The following FOXN2 variants were observed in gnomAD, a reference collection of about 807,000 sequenced individuals.
The protein encoded by FOXN2 is forkhead box protein N2.
A neutral mutation model predicts 41.2 loss-of-function variants in FOXN2; 19 were observed. That is an observed-to-expected ratio of 0.46 (90% CI 0.32 to 0.68). The LOEUF is 0.68. Ranked by LOEUF, FOXN2 falls within the 30% of genes least tolerant of loss-of-function variation. The probability of loss-of-function intolerance (pLI) is 0.03; values close to 1 mark genes in which losing one functional copy is unlikely to be tolerated. For synonymous variants in FOXN2, 195 were observed against 176.8 expected (o/e 1.10, Z -0.82); for missense variants, 587 against 509.4 (o/e 1.15, Z -1.47).
chr2:48,351,543 G>C (rs1242730330), intron 3 of FOXN2, among the ~76,000 whole-genome samples: 2 of 152,152 alleles, frequency 1.3e-5, no homozygotes, highest in African/African-American at 4.8e-5. Context: ...TGCTACCTGA[G>C]GTGGGGACAT....
chr2:48,351,052 G>A (rs571332368), intron 3 of FOXN2, among the ~76,000 whole-genome samples: 1 of 149,126 alleles, frequency 6.7e-6, no homozygotes, highest in African/African-American at 2.5e-5. Flanking sequence ...TGCAACCTCC[G>A]AGGGTTCAAG....
At chr2:48,373,039 G>T (rs1420337794) in intron 5 of FOXN2, among the ~76,000 whole-genome samples, 10 of 151,960 alleles carry the variant, frequency 6.6e-5, no homozygotes, top group Non-Finnish European at 1.0e-4. Flanking sequence ...TTAAAGAAGA[G>T]AACTTGCATT....
chr2:48,320,276 T>G (rs1365451421), intron 1 of FOXN2, among the ~76,000 whole-genome samples: 1 of 152,050 alleles, frequency 6.6e-6, no homozygotes, highest in Non-Finnish European at 1.5e-5. Context: ...ATACTAGACA[T>G]ATGAGTGTAT....
chr2:48,329,231 G>A lies in FOXN2; in HGVS notation c.-15+529G>A, dbSNP rs959051961. ...ATTGTGTAGAGGAAGTCTATACACT[G>A]TGTACAATTGACAGAAAATTATTAA... On this transcript the variant is annotated intron_variant, in intron 2 of 6. Transcript: ENST00000340553. Among the ~76,000 whole-genome samples, 4 of 152,278 alleles carry A rather than the reference G, an allele frequency of 2.6e-5. No individual in the cohort carries two copies. In the East Asian group the frequency reaches 7.7e-4, roughly 29 times the overall value.
chr2:48,371,024 CA>C (rs1475200333), intron 5 of FOXN2, among the ~76,000 whole-genome samples: 2 of 152,030 alleles, frequency 1.3e-5, no homozygotes, highest in Non-Finnish European at 2.9e-5. Context: ...GATATATATC[CA>C]ATTTCTTTTG....
chr2:48,343,229 C>T (rs1463695052), intron 2 of FOXN2, among the ~76,000 whole-genome samples: 9 of 152,106 alleles, frequency 5.9e-5, no homozygotes. Context: ...ACTTCATTTC[C>T]ATTTCCTTAT....
At chr2:48,340,774 T>C (rs1670708790) in intron 2 of FOXN2, 1 of 152,222 alleles carries the variant, frequency 6.6e-6, no homozygotes. Flanking sequence ...CAATTAGCAA[T>C]AATTGCACTC....
chr2:48,316,484 C>G (rs1032464642), intron 1 of FOXN2, among the ~76,000 whole-genome samples: 4 of 151,938 alleles, frequency 2.6e-5, no homozygotes, highest in Admixed American at 6.6e-5. Context: ...AAATTGTGAT[C>G]TAAACATACG....
chr2:48,319,192 G>T (rs187976740), intron 1 of FOXN2, among the ~76,000 whole-genome samples: 1 of 150,748 alleles, frequency 6.6e-6, no homozygotes. Context: ...AAGGTGTGTT[G>T]GAGAAAATAC....
Position 48,375,912 on chromosome 2 carries a change from T to G in FOXN2, c.*469T>G, listed in dbSNP as rs1364997604. On this transcript the variant is annotated 3_prime_UTR_variant, in exon 7 of 7. Coordinates refer to ENST00000340553, the MANE Select transcript of FOXN2 (RefSeq NM_002158.4). ...CAATCCGGTAACATAAGATTGAAAT[T>G]TTTTTACTTTGTCTTAATTTGTTTC... 2.0e-5 allele frequency: 3 copies of G among 152,964 alleles called. No homozygotes were observed. The highest frequency in any genetic ancestry group is 4.8e-5 in the African/African-American group (2 of 41,454). 9.5% of individuals were successfully genotyped at this position (152,964 alleles called of 1,614,324 possible). A position where few individuals can be genotyped will look rare whatever the true frequency, so the allele number is the denominator to read the frequency against.
At chr2:48,337,932 A>C (rs1052897051) in intron 2 of FOXN2, among the ~76,000 whole-genome samples, 16 of 152,050 alleles carry the variant, frequency 1.1e-4, no homozygotes, top group Admixed American at 6.5e-4. Context: ...AGCAGACCCC[A>C]AAAAAAGATT....
At chr2:48,353,576 G>A (rs1238477200) in intron 3 of FOXN2, among the ~76,000 whole-genome samples, 1 of 148,398 alleles carries the variant, frequency 6.7e-6, no homozygotes, top group Admixed American at 6.6e-5. Flanking sequence ...GTGTGTGTGT[G>A]TGTGTGTGTG....
chr2:48,335,925 G>A (rs548729914), intron 2 of FOXN2, among the ~76,000 whole-genome samples: 1 of 152,076 alleles, frequency 6.6e-6, no homozygotes, highest in South Asian at 2.1e-4. Flanking sequence ...CTCCTCGGGA[G>A]GCTGAGGCAG....
intron 6 of FOXN2, among the ~76,000 whole-genome samples, chr2:48,374,191 C>T (rs1056782009): frequency 7.2e-5 from 11 of 151,980 alleles, no homozygotes; most frequent in African/African-American, 1.5e-4. Context: ...AAAAAGGATT[C>T]TGCAAGTAAG....
intron 5 of FOXN2, among the ~76,000 whole-genome samples, chr2:48,363,496 C>T (rs1672333960): frequency 6.6e-6 from 1 of 152,174 alleles, no homozygotes; most frequent in African/African-American, 2.4e-5. Context: ...ATAAAGTCTA[C>T]AGTAGTGTAC....
intron 5 of FOXN2, among the ~76,000 whole-genome samples, chr2:48,368,232 G>T (rs1672653531): frequency 6.6e-6 from 1 of 151,078 alleles, no homozygotes; most frequent in South Asian, 2.1e-4. Flanking sequence ...TTTTGAACTG[G>T]ATATGTTAGA....
intron 3 of FOXN2, among the ~76,000 whole-genome samples, chr2:48,354,413 A>G (rs1280808195): frequency 6.6e-6 from 1 of 152,232 alleles, no homozygotes; most frequent in Non-Finnish European, 1.5e-5. Context: ...CAGCCTGGCC[A>G]ACAGAGTGAA....
rs1248645617 is a variant in FOXN2 at position 48,379,176 on chromosome 2, A to C, written c.*3733A>C. ...TTGCTCATATTAAAAACAACTTACA[A>C]ATACTTAGTTTTTGTATCTAATCTC... On this transcript the variant is annotated 3_prime_UTR_variant, in exon 7 of 7. Coordinates refer to ENST00000340553, the MANE Select transcript of FOXN2 (RefSeq NM_002158.4). The C allele has an allele frequency of 1.3e-5, 2 of 152,628 alleles. No homozygotes were observed. The highest frequency in any genetic ancestry group is 4.8e-5 in the African/African-American group (2 of 41,466). 9.5% of individuals were successfully genotyped at this position (152,628 alleles called of 1,614,324 possible). A position where few individuals can be genotyped will look rare whatever the true frequency, so the allele number is the denominator to read the frequency against.
chr2:48,351,778 A>G (rs1671465860), intron 3 of FOXN2, among the ~76,000 whole-genome samples: 1 of 152,180 alleles, frequency 6.6e-6, no homozygotes, highest in Admixed American at 6.5e-5. Context: ...CTAAGAGGCC[A>G]TGGACCTGTA....
Sources: allele counts gnomAD v4.1 joint callset (sites outside exome capture counted in the v4.1 genomes callset), GRCh38; gene constraint gnomAD v4.1.1; transcripts MANE v1.5; gene names NCBI Gene and HGNC (gene_info 2026-07-23, HGNC 2026-07-21).